USP37: variants seen among roughly 807,000 people sequenced by gnomAD.
USP37 encodes ubiquitin specific peptidase 37.
A neutral mutation model predicts 124.0 loss-of-function variants in USP37; 27 were observed. The ratio of observed to expected loss-of-function variants is 0.22; its 90% CI spans 0.16 to 0.30. The LOEUF is 0.30. USP37 is among the 10% of genes least tolerant of loss of function. The pLI is 1.00. For missense variants in USP37, 889 were observed against 1,140.4 expected (o/e 0.78, Z 3.17); for synonymous variants, 365 against 388.0 (o/e 0.94, Z 0.70).
chr2:218,558,707 C>T (rs1442090340), intron 3 of USP37, 30 bp from the exon 4 acceptor site: 25 of 1,500,362 alleles, frequency 1.7e-5, no homozygotes, highest in Non-Finnish European at 8.1e-6. Context: ...TATACCTTTA[C>T]CTGGCAGGTT....
rs189599400 is a variant in USP37 at position 218,515,895 on chromosome 2, T to C, written c.864-5755A>G. On this transcript the variant is annotated intron_variant, in intron 10 of 25. Coordinates refer to ENST00000258399, the MANE Select transcript of USP37 (RefSeq NM_020935.3). ...GTGGGTGAAGGATATGAACAGACAC[T>C]TCTCAAAAGAAGACATTTATGCGGC... 4.6e-5 allele frequency among the ~76,000 whole-genome samples: 7 copies of C among 152,254 alleles called. No homozygotes were observed. The East Asian group carries it at 1.3e-3, about 29-fold the overall frequency.
At chr2:218,469,814 CTTTTTTTTTTTTTTT>C (rs71064451) in intron 20 of USP37, among the ~76,000 whole-genome samples, 58 of 64,662 alleles carry the variant, frequency 9.0e-4, no homozygotes, top group South Asian at 2.9e-3. Flanking sequence ...ACTCAACATT[CTTTTTTTTTTTTTTT>C]TTTTTTTTTG....
At chr2:218,561,683 C>T (rs1693320581) in intron 2 of USP37, among the ~76,000 whole-genome samples, 2 of 151,496 alleles carry the variant, frequency 1.3e-5, no homozygotes, top group African/African-American at 2.4e-5. Flanking sequence ...TACCTCCATA[C>T]ACCTTTCAGA....
At chr2:218,492,104 G>A (rs999609757) in intron 14 of USP37, among the ~76,000 whole-genome samples, 2 of 152,160 alleles carry the variant, frequency 1.3e-5, no homozygotes, top group South Asian at 2.1e-4. Flanking sequence ...GGGAGGCTGC[G>A]GCGGGAGGAT....
chr2:218,528,737 C>T (rs927950531), intron 10 of USP37: 3 of 394,198 alleles, frequency 7.6e-6, no homozygotes, highest in African/African-American at 4.5e-5. Flanking sequence ...CTGTGCTGCA[C>T]TGCATGATCA....
chr2:218,463,099 G>A (rs977426609), intron 22 of USP37, among the ~76,000 whole-genome samples: 2 of 151,528 alleles, frequency 1.3e-5, no homozygotes, highest in Non-Finnish European at 2.9e-5. Context: ...CCCAGGACGT[G>A]GAGGTTGCAG....
At chr2:218,524,785 T>C (rs932300311) in intron 10 of USP37, among the ~76,000 whole-genome samples, 4 of 152,142 alleles carry the variant, frequency 2.6e-5, no homozygotes, top group Non-Finnish European at 5.9e-5. Flanking sequence ...AATTTTTGCA[T>C]TTTTAGTAAA....
chr2:218,470,403 A>AT (rs1690611221), intron 20 of USP37, among the ~76,000 whole-genome samples: 1 of 152,140 alleles, frequency 6.6e-6, no homozygotes, highest in South Asian at 2.1e-4. Context: ...GACTACTGCA[A>AT]TAATTTCCTA....
chr2:218,532,928 CAA>C (rs201796516), intron 9 of USP37, among the ~76,000 whole-genome samples: 3 of 138,848 alleles, frequency 2.2e-5, no homozygotes. Flanking sequence ...GACCCTATCT[CAA>C]AAAAAAAAAG....
intron 4 of USP37, among the ~76,000 whole-genome samples, chr2:218,556,668 C>T (rs1413891421): frequency 2.0e-5 from 3 of 151,898 alleles, no homozygotes; most frequent in South Asian, 2.1e-4. Flanking sequence ...TGCCCACTAC[C>T]GTGCCTGCTA....
intron 17 of USP37, among the ~76,000 whole-genome samples, chr2:218,481,043 C>T (rs1349331691): frequency 6.6e-6 from 1 of 152,176 alleles, no homozygotes; most frequent in East Asian, 1.9e-4. Flanking sequence ...TCTAAAATCT[C>T]TTCCATCTTC....
intron 21 of USP37, among the ~76,000 whole-genome samples, chr2:218,464,650 T>C (rs958425626): frequency 1.1e-4 from 17 of 152,238 alleles, no homozygotes; most frequent in African/African-American, 3.6e-4. Context: ...TGACTTGGAT[T>C]GCACAGGATT....
intron 20 of USP37, among the ~76,000 whole-genome samples, chr2:218,468,993 C>T (rs930247916): frequency 1.3e-5 from 2 of 152,176 alleles, no homozygotes; most frequent in African/African-American, 2.4e-5. Context: ...CTGCGCCCGG[C>T]TCCTAATACT....
chr2:218,545,052 C>G (rs961824049), intron 8 of USP37, among the ~76,000 whole-genome samples: 4 of 152,138 alleles, frequency 2.6e-5, no homozygotes, highest in African/African-American at 9.7e-5. Flanking sequence ...ATTTGGAGTT[C>G]TTCTCCATTT....
intron 8 of USP37, among the ~76,000 whole-genome samples, chr2:218,536,232 A>C (rs1030417203): frequency 2.0e-5 from 3 of 152,116 alleles, no homozygotes; most frequent in Non-Finnish European, 2.9e-5. Flanking sequence ...ATAAGTAGAG[A>C]GTGTCCATTC....
chr2:218,522,488 A>T (rs1227393628), intron 10 of USP37, among the ~76,000 whole-genome samples: 1 of 149,154 alleles, frequency 6.7e-6, no homozygotes, highest in African/African-American at 2.5e-5. Context: ...GCTTGAGCCC[A>T]GAAGTTAGAG....
chr2:218,527,945 G>A (rs768764546), intron 10 of USP37, among the ~76,000 whole-genome samples: 1 of 152,140 alleles, frequency 6.6e-6, no homozygotes, highest in African/African-American at 2.4e-5. Flanking sequence ...ACTCACACCT[G>A]TAATCCCAGT....
At chr2:218,515,850 C>A (rs962537230) in intron 10 of USP37, among the ~76,000 whole-genome samples, 2 of 152,048 alleles carry the variant, frequency 1.3e-5, no homozygotes, top group Non-Finnish European at 2.9e-5. Flanking sequence ...ACAAGAAAAA[C>A]CAAACAATCC....
chr2:218,552,739 T>C (rs1361307462), intron 5 of USP37, among the ~76,000 whole-genome samples: 2 of 152,212 alleles, frequency 1.3e-5, no homozygotes, highest in Non-Finnish European at 2.9e-5. Flanking sequence ...GGACTCATTT[T>C]CCACAGCAAG....
Sources: gnomAD v4.1 joint callset for allele counts (sites outside exome capture counted in the v4.1 genomes callset) on GRCh38, gnomAD v4.1.1 for gene constraint, MANE v1.5 for transcripts, NCBI Gene and HGNC (gene_info 2026-07-23, HGNC 2026-07-21) for gene names.